TLK1: variants seen among roughly 807,000 people sequenced by gnomAD.
The protein encoded by TLK1 is serine/threonine-protein kinase tousled-like 1.
A neutral mutation model predicts 105.3 loss-of-function variants in TLK1; 24 were observed. The observed-to-expected ratio is 0.23, with a 90% CI of 0.17 to 0.32. TLK1 has a LOEUF of 0.32. Ranked by LOEUF, TLK1 falls within the 10% of genes least tolerant of loss-of-function variation. The pLI, the probability that TLK1 is intolerant of heterozygous loss-of-function variation, is 1.00. For synonymous variants in TLK1, 321 were observed against 310.4 expected (o/e 1.03, Z -0.36); for missense variants, 558 against 910.5 (o/e 0.61, Z 4.98).
At chr2:171,066,789 G>A (rs1688018291) in intron 3 of TLK1, 1 of 1,531,250 alleles carries the variant, frequency 6.5e-7, no homozygotes, top group African/African-American at 1.4e-5. Flanking sequence ...TTGTTAAACA[G>A]TATATACTAT....
intron 1 of TLK1, among the ~76,000 whole-genome samples, chr2:171,192,235 C>G (rs1200059578): frequency 6.6e-6 from 1 of 152,032 alleles, no homozygotes; most frequent in Non-Finnish European, 1.5e-5. Context: ...TGCCATGTTG[C>G]CCAAGCTGGT....
rs180732517 is a variant in TLK1, at chr2:171,050,141, G to T, written c.766C>A (p.Gln256Lys). Residue 256 changes from glutamine (Q) to lysine (K), a missense_variant, in exon 9 of 21, where the codon CAA becomes AAA. Gln to Lys is a moderately conservative substitution (Grantham distance 53). Around this residue, in one of 5 missense-constraint regions of TLK1, gnomAD observed 196 missense variants for 239.3 expected, o/e 0.82. Coordinates refer to ENST00000431350, the MANE Select transcript of TLK1 (RefSeq NM_012290.5). ...NCDLRRQIDE[Q>K]QKLLEKYKER... ...TTGTATTTTTCAAGTAATTTTTGTT[G>T]TTCATCTATTTGCCGTCTGAGATCA... is the stretch of plus-strand genomic sequence containing the variant. 1 of 1,596,914 alleles carries T rather than the reference G, an allele frequency of 6.3e-7. No individual in the cohort carries two copies. Among genetic ancestry groups the T allele is most frequent in the East Asian group, 2.2e-5 (1 of 44,604 alleles).
intron 13 of TLK1, among the ~76,000 whole-genome samples, chr2:171,011,978 C>CTAT (rs1684938175): frequency 6.6e-6 from 1 of 151,862 alleles, no homozygotes; most frequent in South Asian, 2.1e-4. Flanking sequence ...AATACTACTA[C>CTAT]TATTACTACT....
At chr2:171,130,854 C>A (rs544244154) in intron 1 of TLK1, among the ~76,000 whole-genome samples, 1 of 152,060 alleles carries the variant, frequency 6.6e-6, no homozygotes, top group Admixed American at 6.6e-5. Context: ...CTCTAACGTG[C>A]TATCAAGACT....
At chr2:171,074,032 A>T (rs1204549210) in intron 3 of TLK1, among the ~76,000 whole-genome samples, 1 of 152,024 alleles carries the variant, frequency 6.6e-6, no homozygotes, top group Non-Finnish European at 1.5e-5. Flanking sequence ...CTGGTATTAC[A>T]GGCATGTGCC....
chr2:171,160,730 C>CGGGCCG lies in TLK1; in HGVS notation c.-308_-303dup, dbSNP rs978324236. ...GCGGAGGCGTCGAGGGGGTGCCAGCCGGGCCGGGGTCGGAGCGCGGGCGGA... is the reference window on the plus strand; with the variant it reads ...GCGGAGGCGTCGAGGGGGTGCCAGCCGGGCCGGGGCCGGGGTCGGAGCGCGGGCGGA... On this transcript the variant is annotated 5_prime_UTR_variant, in exon 1 of 21. Coordinates refer to ENST00000431350, the MANE Select transcript of TLK1 (RefSeq NM_012290.5). This position sits in a 1 kb window ranked among gnomAD's most constrained non-coding sequence, Gnocchi z 4.4. 1 of 449,274 alleles carries CGGGCCG rather than the reference C, an allele frequency of 2.2e-6. No individual in the cohort carries two copies. 27.8% of individuals were successfully genotyped at this position (449,274 alleles called of 1,614,324 possible). A position where few individuals can be genotyped will look rare whatever the true frequency, so the allele number is the denominator to read the frequency against.
chr2:171,087,404 G>A (rs1273920322), intron 2 of TLK1, among the ~76,000 whole-genome samples: 2 of 152,054 alleles, frequency 1.3e-5, no homozygotes, highest in African/African-American at 2.4e-5. Flanking sequence ...TGGAAAAAGA[G>A]TACTGAAGAT....
upstream of TLK1, chr2:171,161,011 C>T (rs1425706789): frequency 6.5e-4 from 71 of 109,128 alleles, no homozygotes; most frequent in Non-Finnish European, 9.6e-4. Flanking sequence ...CGGGAGCAGG[C>T]TTGGGGGAGG....
At chr2:171,195,858 G>T (rs924998405) in intron 1 of TLK1, among the ~76,000 whole-genome samples, 1 of 151,890 alleles carries the variant, frequency 6.6e-6, no homozygotes, top group African/African-American at 2.4e-5. Context: ...AGGCCAGCCT[G>T]GCCAACATGG....
chr2:171,160,569 G>A lies in TLK1; in HGVS notation c.-141C>T, dbSNP rs539645604. On this transcript the variant is annotated 5_prime_UTR_variant, in exon 1 of 21. Coordinates refer to ENST00000431350, the MANE Select transcript of TLK1 (RefSeq NM_012290.5). The surrounding 1 kb of genome is among the most constrained non-coding windows in gnomAD (Gnocchi z 4.4). ...CTGGGAGGGGAGAGTCAAGGGGATG[G>A]GGGAGGAAACCGAGAAGAGGGGAGG... The A allele has an allele frequency of 2.8e-6, 4 of 1,427,742 alleles. No individual in the cohort carries two copies. The East Asian group carries it at 1.1e-4, about 38-fold the overall frequency. 88.4% of individuals were successfully genotyped at this position (1,427,742 alleles called of 1,614,324 possible). A position where few individuals can be genotyped will look rare whatever the true frequency, so the allele number is the denominator to read the frequency against.
intron 3 of TLK1, 58 bp from the exon 4 acceptor site, chr2:171,061,214 C>G: frequency 6.4e-7 from 1 of 1,562,754 alleles, no homozygotes; most frequent in Admixed American, 1.7e-5. Flanking sequence ...AAAATTATCA[C>G]AGTCAACATA....
At chr2:171,174,619 C>T (rs1692787492) in intron 1 of TLK1, among the ~76,000 whole-genome samples, 1 of 152,108 alleles carries the variant, frequency 6.6e-6, no homozygotes, top group South Asian at 2.1e-4. Flanking sequence ...ATGTCCTCCT[C>T]CTCCACTAAG....
chr2:171,194,607 G>C (rs1209260813), intron 1 of TLK1, among the ~76,000 whole-genome samples: 1 of 152,064 alleles, frequency 6.6e-6, no homozygotes, highest in Non-Finnish European at 1.5e-5. Flanking sequence ...CACGAGGTCA[G>C]GAGATCGAGA....
At chr2:171,011,307 C>G in intron 14 of TLK1, 66 bp downstream of exon 14, 1 of 1,378,242 alleles carries the variant, frequency 7.3e-7, no homozygotes, top group Non-Finnish European at 9.9e-7. Flanking sequence ...GTAAGTACTT[C>G]TTAACCACAT....
chr2:171,111,183 A>T (rs1321522826), intron 2 of TLK1, among the ~76,000 whole-genome samples: 2 of 152,232 alleles, frequency 1.3e-5, no homozygotes, highest in Non-Finnish European at 2.9e-5. Flanking sequence ...ATAACAAAGG[A>T]GGTTTTTAAA....
intron 18 of TLK1, among the ~76,000 whole-genome samples, chr2:170,998,721 A>G (rs1051750685): frequency 6.6e-6 from 1 of 152,222 alleles, no homozygotes; most frequent in Non-Finnish European, 1.5e-5. Flanking sequence ...TCTGAAACAC[A>G]ATGGGTATTC....
chr2:171,198,890 C>T (rs897324879), intron 1 of TLK1, among the ~76,000 whole-genome samples: 2 of 152,140 alleles, frequency 1.3e-5, no homozygotes, highest in Non-Finnish European at 2.9e-5. Context: ...CATATAAGTA[C>T]TTTATTTAAT....
intron 1 of TLK1, among the ~76,000 whole-genome samples, chr2:171,222,295 A>C (rs1693822854): frequency 6.6e-6 from 1 of 152,178 alleles, no homozygotes; most frequent in African/African-American, 2.4e-5. Context: ...GTAAATTTGT[A>C]ATTAAGCAAA....
At chr2:170,998,270 T>G (rs1684179918) in intron 18 of TLK1, among the ~76,000 whole-genome samples, 1 of 152,236 alleles carries the variant, frequency 6.6e-6, no homozygotes, top group Non-Finnish European at 1.5e-5. Context: ...ATGGTTCTTT[T>G]GTTCAAACAA....
Sources: allele counts gnomAD v4.1 joint callset (sites outside exome capture counted in the v4.1 genomes callset), GRCh38; gene constraint gnomAD v4.1.1; regional missense constraint gnomAD v4.1.1; non-coding constraint Gnocchi (gnomAD v3.1); transcripts MANE v1.5; gene names NCBI Gene and HGNC (gene_info 2026-07-23, HGNC 2026-07-21).